The following NDE1 variants were observed in gnomAD, a reference collection of about 807,000 sequenced individuals.
NDE1 encodes nudE neurodevelopment protein 1.
In NDE1, 28 loss-of-function variants were observed where a neutral mutation model predicts 43.4. The ratio of observed to expected loss-of-function variants is 0.65; its 90% CI spans 0.48 to 0.89. The LOEUF is 0.89. NDE1 is among the 40% of genes least tolerant of loss of function. NDE1 has a pLI of 0.00. For missense variants in NDE1, 441 were observed against 434.1 expected (o/e 1.02, Z -0.14); for synonymous variants, 184 against 172.0 (o/e 1.07, Z -0.55).
chr16:15,722,810 G>C (rs2040554333), intron 8 of NDE1, among the ~76,000 whole-genome samples: 1 of 152,148 alleles, frequency 6.6e-6, no homozygotes, highest in South Asian at 2.1e-4. Flanking sequence ...GCGCAATCTT[G>C]GCTCACTGCA....
chr16:15,655,600 A>T (rs886944950), intron 1 of NDE1, among the ~76,000 whole-genome samples: 11 of 152,174 alleles, frequency 7.2e-5, no homozygotes, highest in Non-Finnish European at 1.5e-4. Context: ...AACTGGAAAT[A>T]CCATTTGACC....
At chr16:15,705,681 T>C (rs1400467958) in intron 8 of NDE1, among the ~76,000 whole-genome samples, 1 of 152,090 alleles carries the variant, frequency 6.6e-6, no homozygotes, top group Non-Finnish European at 1.5e-5. Context: ...ACCAATTCTT[T>C]AGTCAAAAGG....
Position 15,688,689 on chromosome 16 carries a change from C to CTTTTTTTTTTTTTTTTTTTTTTTTT in NDE1, c.523+1181_523+1205dup, listed in dbSNP as rs1194565114. ...AGTGGATTGTCCAAGTTGTTTTTAC[C>CTTTTTTTTTTTTTTTTTTTTTTTTT]TTTTTTTTTTTTTTTTTTTTTTTTT... On this transcript the variant is annotated intron_variant, in intron 5 of 8. Coordinates refer to ENST00000396354, the MANE Select transcript of NDE1 (RefSeq NM_017668.3). Among the ~76,000 whole-genome samples the CTTTTTTTTTTTTTTTTTTTTTTTTT allele has an allele frequency of 5.0e-5, 3 of 59,990 alleles. 1 individual carries two copies. Among genetic ancestry groups the CTTTTTTTTTTTTTTTTTTTTTTTTT allele is most frequent in the African/African-American group, 6.8e-5 (1 of 14,730 alleles). The allele number at this position is 59,990 out of a possible 152,430, so 39.4% of individuals were successfully genotyped here. A position where few individuals can be genotyped will look rare whatever the true frequency, so the allele number is the denominator to read the frequency against.
At chr16:15,689,863 C>T (rs1262990868) in intron 5 of NDE1, among the ~76,000 whole-genome samples, 2 of 69,902 alleles carry the variant, frequency 2.9e-5, no homozygotes, top group African/African-American at 1.1e-4. Flanking sequence ...TCACTTGAAC[C>T]CGGGAGGCAG....
rs2040394548 is a variant in NDE1, at chr16:15,720,231, C to T, written c.948-3960C>T. ...GCCTGAAGCTCCAGGTCTTTCAGGTCCCCTTCCAGCTTCTTCTTTGCTGCA... is the reference window on the plus strand; with the variant it reads ...GCCTGAAGCTCCAGGTCTTTCAGGTTCCCTTCCAGCTTCTTCTTTGCTGCA... On this transcript the variant is annotated intron_variant, in intron 8 of 8. Coordinates refer to ENST00000396354, the MANE Select transcript of NDE1 (RefSeq NM_017668.3). The T allele has an allele frequency of 6.2e-7, 1 of 1,614,082 alleles. No individual in the cohort carries two copies. Among genetic ancestry groups the T allele is most frequent in the Non-Finnish European group, 8.5e-7 (1 of 1,180,004 alleles).
intron 1 of NDE1, 29 bp from the exon 2 acceptor site, chr16:15,664,707 G>T: frequency 5.0e-6 from 6 of 1,197,122 alleles, no homozygotes; most frequent in Non-Finnish European, 6.2e-6. Flanking sequence ...ACCAGATGTG[G>T]GTAATCATTT....
At chr16:15,704,168 TG>T (rs1567668870) in intron 8 of NDE1, 2 of 1,610,344 alleles carry the variant, frequency 1.2e-6, no homozygotes, top group Non-Finnish European at 1.7e-6. Context: ...GAAATCTTCA[TG>T]GTTGGGATAG....
chr16:15,710,281 G>C (rs562832302), intron 8 of NDE1, among the ~76,000 whole-genome samples: 6 of 152,272 alleles, frequency 3.9e-5, no homozygotes, highest in Non-Finnish European at 8.8e-5. Context: ...CCAGCACTTT[G>C]GGAGACCGAG....
upstream of NDE1, among the ~76,000 whole-genome samples, chr16:15,650,060 G>C (rs1240594230): frequency 1.3e-5 from 2 of 152,108 alleles, no homozygotes; most frequent in East Asian, 3.9e-4. Flanking sequence ...AACCCCCTCC[G>C]GCCAGGAGCC....
intron 5 of NDE1, among the ~76,000 whole-genome samples, chr16:15,689,815 C>T (rs113912728): frequency 0.015 from 2,242 of 151,406 alleles, 35 homozygotes; most frequent in Middle Eastern, 0.048. Context: ...TGGTGCGTGC[C>T]TGTAATCCCA....
chr16:15,664,471 C>G (rs2037201188), intron 1 of NDE1, among the ~76,000 whole-genome samples: 1 of 152,094 alleles, frequency 6.6e-6, no homozygotes, highest in Admixed American at 6.6e-5. Flanking sequence ...ATTCTCCTGC[C>G]TCAGCCTCCT....
intron 8 of NDE1, chr16:15,719,713 C>T (rs767128780): frequency 6.2e-7 from 1 of 1,614,134 alleles, no homozygotes; most frequent in South Asian, 1.1e-5. Flanking sequence ...TTCATCTGAG[C>T]CTGCATGAGT....
At chr16:15,670,314 T>C (rs1347907973) in intron 3 of NDE1, among the ~76,000 whole-genome samples, 1 of 152,030 alleles carries the variant, frequency 6.6e-6, no homozygotes, top group African/African-American at 2.4e-5. Context: ...CATGAAGCAG[T>C]TGGGGACGTG....
intron 8 of NDE1, chr16:15,718,093 C>A: frequency 1.4e-6 from 1 of 693,888 alleles, no homozygotes; most frequent in South Asian, 1.9e-5. Flanking sequence ...CACGCCGTGG[C>A]TGGAAAATGA....
intron 8 of NDE1, among the ~76,000 whole-genome samples, chr16:15,700,717 C>G (rs2039193299): frequency 6.6e-6 from 1 of 152,004 alleles, no homozygotes; most frequent in African/African-American, 2.4e-5. Flanking sequence ...TCCCAGAGTG[C>G]TGGAATTACA....
At chr16:15,711,622 T>C (rs1207813979) in intron 8 of NDE1, among the ~76,000 whole-genome samples, 1 of 152,138 alleles carries the variant, frequency 6.6e-6, no homozygotes, top group African/African-American at 2.4e-5. Context: ...TGTGGTGGTA[T>C]GAGAATGAAG....
chr16:15,717,424 G>A, intron 8 of NDE1: 1 of 1,476,326 alleles, frequency 6.8e-7, no homozygotes, highest in Non-Finnish European at 9.3e-7. Flanking sequence ...GCCTCTTCCT[G>A]CCTTGTTTGG....
intron 8 of NDE1, chr16:15,720,101 G>T (rs2040386116): frequency 6.2e-7 from 1 of 1,613,116 alleles, no homozygotes. Context: ...TGGCCTGAGG[G>T]GAACTGTGCC....
intron 8 of NDE1, among the ~76,000 whole-genome samples, chr16:15,722,289 T>TA: frequency 6.6e-6 from 1 of 152,170 alleles, no homozygotes; most frequent in East Asian, 1.9e-4. Context: ...ATTAATATCT[T>TA]ACAAAAGTAT....
Sources: allele counts gnomAD v4.1 joint callset (sites outside exome capture counted in the v4.1 genomes callset), GRCh38; gene constraint gnomAD v4.1.1; transcripts MANE v1.5; gene names NCBI Gene and HGNC (gene_info 2026-07-23, HGNC 2026-07-21).